SYN1: variants seen among roughly 807,000 people sequenced by gnomAD.
SYN1 encodes the protein synapsin-1.
Under a neutral mutation model 44.6 loss-of-function variants are expected in SYN1, and 8 were observed. The observed-to-expected ratio is 0.18, with a 90% CI of 0.11 to 0.32. The LOEUF (loss-of-function observed/expected upper bound fraction) is 0.32, where lower values mean the gene tolerates loss of function less well. Among genes scored for constraint, SYN1 ranks in the 10% least tolerant of loss-of-function variants. The pLI is 1.00. For synonymous variants in SYN1, 275 were observed against 280.1 expected, an observed-to-expected ratio of 0.98 and a Z score of 0.18; for missense variants, 451 against 639.4, an observed-to-expected ratio of 0.71 and a Z score of 3.18.
chrX:47,596,017 A>G (rs1409458542), intron 5 of SYN1, among the ~76,000 whole-genome samples: 2 of 112,483 alleles, frequency 1.8e-5, no homozygotes, highest in African/African-American at 6.5e-5. Context: ...TCTTGTACAC[A>G]TCCCCTTCTC....
chrX:47,599,742 C>G (rs1384643746), intron 5 of SYN1, among the ~76,000 whole-genome samples: 1 of 111,814 alleles, frequency 8.9e-6, no homozygotes, highest in Non-Finnish European at 1.9e-5. Context: ...AACACTGCAG[C>G]CGCAAGTGCC....
chrX:47,605,090 G>A (rs770971792), intron 4 of SYN1, 23 bp from the exon 5 acceptor site: 82 of 1,200,015 alleles, frequency 6.8e-5, no homozygotes, highest in Non-Finnish European at 8.9e-5. Flanking sequence ...GGAGAGCTGG[G>A]TCAGTGAGTC....
rs181788201 is a variant in SYN1 at position 47,591,194 on chromosome X, C to T, written c.775-13693G>A. Reference sequence around the variant, plus strand: ...GCCATCAGGCTCTGCCTGCATGTTCCCTGCTATCAAGCCCTGCTCCAGCTC... The same window carrying T: ...GCCATCAGGCTCTGCCTGCATGTTCTCTGCTATCAAGCCCTGCTCCAGCTC... On this transcript the variant is annotated intron_variant, in intron 5 of 12. Coordinates refer to ENST00000295987, the MANE Select transcript of SYN1 (RefSeq NM_006950.3). Among the ~76,000 whole-genome samples, 196 of 112,849 alleles carry T rather than the reference C, an allele frequency of 1.7e-3. 2 individuals are homozygous for T. The highest frequency in any genetic ancestry group is 6.0e-3 in the African/African-American group (188 of 31,142).
rs759230625 is a variant in SYN1, at chrX:47,574,758, G to A, written c.1323C>T (p.Ala441=). 5.9e-6 allele frequency: 7 copies of A among 1,187,552 alleles called. No homozygotes were observed. In the South Asian group the frequency reaches 9.3e-5, roughly 16 times the overall value. Residue 441 remains alanine (A), a synonymous_variant, in exon 11 of 13, where the codon GCC becomes GCT. Transcript: ENST00000295987. ...GGGAGGTCTGGCGGCCCAAGGGCAG[G>A]GCCCCTGGGGACGGAGTCTGCGGCA... The part of the protein sequence containing the change: ...GSHGQTPSPG[A]LPLGRQTSQQ...
intron 3 of SYN1, among the ~76,000 whole-genome samples, chrX:47,605,677 CA>C (rs1488415478): frequency 9.0e-6 from 1 of 110,868 alleles, no homozygotes; most frequent in Non-Finnish European, 1.9e-5. Flanking sequence ...AAGCTGTCTT[CA>C]GTGTTCTGCC....
intron 5 of SYN1, among the ~76,000 whole-genome samples, chrX:47,599,349 A>T (rs1360255928): frequency 8.9e-6 from 1 of 112,661 alleles, no homozygotes; most frequent in East Asian, 2.8e-4. Flanking sequence ...AGCAAAGCTA[A>T]CTGATTTTCA....
At chrX:47,594,729 CT>C (rs369921621) in intron 5 of SYN1, among the ~76,000 whole-genome samples, 121 of 93,949 alleles carry the variant, frequency 1.3e-3, no homozygotes, top group Middle Eastern at 5.4e-3. Context: ...CTTTTCTTTT[CT>C]TTTTTTTTTT....
intron 2 of SYN1, 27 bp downstream of exon 2, chrX:47,607,114 C>T (rs371389413): frequency 2.5e-6 from 3 of 1,205,057 alleles, no homozygotes; most frequent in South Asian, 3.5e-5. Flanking sequence ...GGACAACTGA[C>T]CCCCAGGTCC....
chrX:47,593,242 C>T (rs1165055076), intron 5 of SYN1, among the ~76,000 whole-genome samples: 1 of 103,024 alleles, frequency 9.7e-6, no homozygotes, highest in African/African-American at 3.6e-5. Flanking sequence ...AGGATTTTTG[C>T]ATTGATATTT....
rs773486044 is a variant in SYN1 at position 47,585,824 on chromosome X, C to T, written c.775-8323G>A. On this transcript the variant is annotated intron_variant, in intron 5 of 12. Transcript: ENST00000295987. ...TGATCTCTCTTGCTATTTCCCCAAGCCCGAGACTGCTCCCTTACAAATTCT... is the reference window on the plus strand; with the variant it reads ...TGATCTCTCTTGCTATTTCCCCAAGTCCGAGACTGCTCCCTTACAAATTCT... The T allele has an allele frequency of 1.0e-4, 120 of 1,149,070 alleles. No homozygotes were observed. In the African/African-American group the frequency reaches 1.8e-3, roughly 17 times the overall value. 94.7% of individuals were successfully genotyped at this position (1,149,070 alleles called of 1,213,427 possible).
chrX:47,575,352 G>A, intron 9 of SYN1, 78 bp from the exon 10 acceptor site: 1 of 1,126,334 alleles, frequency 8.9e-7, no homozygotes, highest in Non-Finnish European at 1.2e-6. Context: ...CTTTCAGTTG[G>A]CCAAGGGCAT....
At chrX:47,580,232 A>C (rs2057792303) in intron 5 of SYN1, among the ~76,000 whole-genome samples, 1 of 101,775 alleles carries the variant, frequency 9.8e-6, no homozygotes, top group South Asian at 5.6e-4. Context: ...CATGTTGCCC[A>C]GACTGGTCTT....
At position 47,619,590 on chromosome X, in the gene SYN1, C is replaced by T. The variant is rs1477670336; in HGVS notation, c.139G>A (p.Gly47Arg). Reference sequence around the variant, plus strand: ...GAGGACCTCTCGGCAGTGGCGGTCCCGGGACCGGGCGTGGCTCCGGGGCTG... The same window carrying T: ...GAGGACCTCTCGGCAGTGGCGGTCCTGGGACCGGGCGTGGCTCCGGGGCTG... ...AHSPGATPGPGTATAERSSGV... is the reference protein window; with the variant it reads ...AHSPGATPGPRTATAERSSGV... The change falls in exon 1 of 13, where the codon GGG becomes AGG. Residue 47 changes from glycine (G) to arginine (R), a missense_variant. Around this residue, in one of 3 missense-constraint regions of SYN1, gnomAD observed 315 missense variants for 451.4 expected, o/e 0.70. Transcript: ENST00000295987. 1.7e-6 allele frequency: 2 copies of T among 1,160,026 alleles called. No individual in the cohort carries two copies. Among genetic ancestry groups the T allele is most frequent in the Non-Finnish European group, 2.3e-6 (2 of 868,893 alleles).
chrX:47,575,621 A>G (rs899691207), intron 9 of SYN1, among the ~76,000 whole-genome samples: 3 of 112,866 alleles, frequency 2.7e-5, no homozygotes, highest in Non-Finnish European at 3.7e-5. Context: ...TTCAATGTCC[A>G]TAAACAAAGT....
chrX:47,593,019 G>A (rs1225305315), intron 5 of SYN1, among the ~76,000 whole-genome samples: 12 of 108,343 alleles, frequency 1.1e-4, no homozygotes, highest in African/African-American at 3.1e-4. Context: ...GGACTACAAG[G>A]GTGCACCACC....
At chrX:47,607,609 G>A (rs2057901799) in intron 1 of SYN1, among the ~76,000 whole-genome samples, 1 of 109,300 alleles carries the variant, frequency 9.1e-6, no homozygotes, top group African/African-American at 3.3e-5. Context: ...CAGGTACGGT[G>A]GCTTACGCCT....
intron 8 of SYN1, 34 bp downstream of exon 8, chrX:47,576,298 G>T (rs770765689): frequency 8.3e-7 from 1 of 1,206,912 alleles, no homozygotes; most frequent in African/African-American, 1.7e-5. Context: ...TCCCACCCCC[G>T]CTTCCCCTCA....
chrX:47,606,557 C>A (rs1004068370), intron 3 of SYN1, among the ~76,000 whole-genome samples: 5 of 108,003 alleles, frequency 4.6e-5, no homozygotes, highest in African/African-American at 1.3e-4. Context: ...GGACCCCCCC[C>A]ATCTCTACAA....
chrX:47,608,886 GACACACAC>G (rs34092010), intron 1 of SYN1, among the ~76,000 whole-genome samples: 11 of 89,539 alleles, frequency 1.2e-4, no homozygotes, highest in African/African-American at 2.2e-4. Context: ...GTCTTGGACA[GACACACAC>G]ACACACACAC....
Sources: allele counts gnomAD v4.1 joint callset (sites outside exome capture counted in the v4.1 genomes callset), GRCh38; gene constraint gnomAD v4.1.1; regional missense constraint gnomAD v4.1.1; transcripts MANE v1.5; gene names NCBI Gene and HGNC (gene_info 2026-07-23, HGNC 2026-07-21).